PIBF1: variants seen among roughly 807,000 people sequenced by gnomAD.
The protein encoded by PIBF1 is progesterone immunomodulatory binding factor 1, also known as progesterone-induced-blocking factor 1.
Under a neutral mutation model 112.5 loss-of-function variants are expected in PIBF1, and 90 were observed. That is an observed-to-expected ratio of 0.80 (90% CI 0.67 to 0.95). The LOEUF is 0.95. Ranked by LOEUF, PIBF1 falls within the 40% of genes least tolerant of loss-of-function variation. PIBF1 has a pLI of 0.00. For synonymous variants in PIBF1, 301 were observed against 288.6 expected, an observed-to-expected ratio of 1.04 and a Z score of -0.44; for missense variants, 915 against 852.3, an observed-to-expected ratio of 1.07 and a Z score of -0.92.
rs373420939 is a variant in PIBF1, at chr13:73,015,949, T to C, written c.*30T>C. 3 of 1,432,042 alleles carry C rather than the reference T, an allele frequency of 2.1e-6. No individual in the cohort carries two copies. Among genetic ancestry groups the C allele is most frequent in the Non-Finnish European group, 1.9e-6 (2 of 1,050,294 alleles). The allele number at this position is 1,432,042 out of a possible 1,614,324, so 88.7% of individuals were successfully genotyped here. A position where few individuals can be genotyped will look rare whatever the true frequency, so the allele number is the denominator to read the frequency against. Reference sequence around the variant, plus strand: ...TTGGATGGGAAGCACCTGTAGACCATTATATACTCCTGAAGTTCTTTTTCT... The same window carrying C: ...TTGGATGGGAAGCACCTGTAGACCACTATATACTCCTGAAGTTCTTTTTCT... On this transcript the variant is annotated 3_prime_UTR_variant, in exon 18 of 18. Coordinates refer to ENST00000326291, the MANE Select transcript of PIBF1 (RefSeq NM_006346.4).
chr13:72,965,794 A>T (rs1333631193), intron 15 of PIBF1, among the ~76,000 whole-genome samples: 1 of 152,176 alleles, frequency 6.6e-6, no homozygotes, highest in Non-Finnish European at 1.5e-5. Flanking sequence ...ACAACAAAAA[A>T]TTTACATTTA....
intron 16 of PIBF1, among the ~76,000 whole-genome samples, chr13:72,996,709 A>G (rs995495141): frequency 1.3e-5 from 2 of 152,096 alleles, no homozygotes; most frequent in Non-Finnish European, 2.9e-5. Context: ...GATGGTTTGA[A>G]TGAACTGTGA....
At chr13:72,791,483 A>G (rs2034928071) in intron 2 of PIBF1, among the ~76,000 whole-genome samples, 2 of 152,226 alleles carry the variant, frequency 1.3e-5, no homozygotes, top group South Asian at 4.1e-4. Flanking sequence ...GGGGGATGGC[A>G]AGCACTTAAT....
intron 15 of PIBF1, among the ~76,000 whole-genome samples, chr13:72,968,214 T>G (rs9530123): frequency 6.6e-6 from 1 of 151,968 alleles, no homozygotes; most frequent in African/African-American, 2.4e-5. Context: ...ATCAGTGCTG[T>G]CCAGTATGGT....
intron 10 of PIBF1, among the ~76,000 whole-genome samples, chr13:72,887,157 C>A (rs1003899590): frequency 6.7e-6 from 1 of 150,100 alleles, no homozygotes; most frequent in African/African-American, 2.4e-5. Context: ...GATTCAGTAT[C>A]CAGGTATATA....
chr13:72,809,132 C>CTT (rs35219701), intron 5 of PIBF1, among the ~76,000 whole-genome samples: 3,417 of 74,790 alleles, frequency 0.046, 115 homozygotes, highest in Non-Finnish European at 0.054. Flanking sequence ...GTATATGTCC[C>CTT]TTTTTTTTTT....
Position 72,931,196 on chromosome 13 carries a change from G to T in PIBF1, c.1762G>T (p.Glu588Ter). Residue 588 changes from glutamate to a stop codon, truncating the protein, a stop_gained, in exon 14 of 18, where the codon GAA (glutamate) becomes TAA (stop). Transcript: ENST00000326291. LOFTEE classifies it high-confidence loss of function. Reference sequence around the variant, plus strand: ...CTTGGCAAGAAGAGTGCTTCAATTAGAAAAACAAAACTCGCTGATTTTAAA... The same window carrying T: ...CTTGGCAAGAAGAGTGCTTCAATTATAAAAACAAAACTCGCTGATTTTAAA... ...VHLARRVLQL[E>*]KQNSLILKDL... 1 of 1,612,630 alleles carries T rather than the reference G, an allele frequency of 6.2e-7. No individual in the cohort carries two copies. Among genetic ancestry groups the T allele is most frequent in the Non-Finnish European group, 8.5e-7 (1 of 1,179,206 alleles).
chr13:72,812,935 G>A (rs892638509), intron 5 of PIBF1, among the ~76,000 whole-genome samples: 2 of 152,024 alleles, frequency 1.3e-5, no homozygotes, highest in Non-Finnish European at 2.9e-5. Flanking sequence ...GCCTGTGTAA[G>A]AGTGAGACTC....
At chr13:72,957,909 G>A (rs576252084) in intron 14 of PIBF1, among the ~76,000 whole-genome samples, 27 of 152,086 alleles carry the variant, frequency 1.8e-4, no homozygotes, top group African/African-American at 5.3e-4. Context: ...CCGTGATTGC[G>A]CCACTGCACT....
At chr13:72,946,866 G>C (rs956377335) in intron 14 of PIBF1, among the ~76,000 whole-genome samples, 2 of 152,226 alleles carry the variant, frequency 1.3e-5, no homozygotes, top group African/African-American at 2.4e-5. Flanking sequence ...GTTCAGCCCT[G>C]CTCCCAGCTG....
chr13:72,884,094 T>C (rs1033539569), intron 10 of PIBF1, among the ~76,000 whole-genome samples: 1 of 152,206 alleles, frequency 6.6e-6, no homozygotes, highest in Non-Finnish European at 1.5e-5. Flanking sequence ...ATATACGTAC[T>C]ACGTACCTAT....
intron 9 of PIBF1, among the ~76,000 whole-genome samples, chr13:72,845,615 A>C (rs2037834845): frequency 6.6e-6 from 1 of 152,166 alleles, no homozygotes; most frequent in Non-Finnish European, 1.5e-5. Context: ...CTGTTGAAGT[A>C]ATTTACACTC....
At chr13:72,792,808 C>T (rs1438854716) in intron 3 of PIBF1, among the ~76,000 whole-genome samples, 1 of 152,112 alleles carries the variant, frequency 6.6e-6, no homozygotes, top group Non-Finnish European at 1.5e-5. Context: ...CTAAACTGAC[C>T]ACCATTAACC....
chr13:72,921,102 T>A (rs2041271309), intron 13 of PIBF1, among the ~76,000 whole-genome samples: 1 of 152,188 alleles, frequency 6.6e-6, no homozygotes, highest in Non-Finnish European at 1.5e-5. Context: ...ATTTTATTTT[T>A]ATTTTTATTT....
chr13:72,927,161 C>T lies in PIBF1; in HGVS notation c.1731-4004C>T, dbSNP rs115234008. ...ACTGCTTACTGCAACCTCTGCCTCC[C>T]GGGTTCAATAGATTGTTGTGCCTCA... is the stretch of plus-strand genomic sequence containing the variant. On this transcript the variant is annotated intron_variant, in intron 13 of 17. Coordinates refer to ENST00000326291, the MANE Select transcript of PIBF1 (RefSeq NM_006346.4). Among the ~76,000 whole-genome samples, 1,055 of 152,006 alleles carry T rather than the reference C, an allele frequency of 6.9e-3. 15 individuals are homozygous for T. The highest frequency in any genetic ancestry group is 0.025 in the African/African-American group (1,016 of 41,438).
At position 73,016,078 on chromosome 13, in the gene PIBF1, G is replaced by C; in HGVS notation, c.*159G>C. 1 of 322,454 alleles carries C rather than the reference G, an allele frequency of 3.1e-6. No homozygotes were observed. 20.0% of individuals were successfully genotyped at this position (322,454 alleles called of 1,614,324 possible). ...AACAAATTCAGTGTAATCAAAATGT[G>C]TAAAGAACAATCAATATACTTTATT... On this transcript the variant is annotated 3_prime_UTR_variant, in exon 18 of 18. Transcript: ENST00000326291.
At chr13:72,972,694 A>G (rs1292293701) in intron 15 of PIBF1, among the ~76,000 whole-genome samples, 1 of 152,204 alleles carries the variant, frequency 6.6e-6, no homozygotes, top group African/African-American at 2.4e-5. Context: ...TACCTATTTA[A>G]AACAATTCTT....
intron 10 of PIBF1, among the ~76,000 whole-genome samples, chr13:72,872,969 A>T (rs2039228691): frequency 6.6e-6 from 1 of 152,226 alleles, no homozygotes; most frequent in African/African-American, 2.4e-5. Flanking sequence ...GGAGTAAGAT[A>T]TCATGTTCAT....
intron 14 of PIBF1, among the ~76,000 whole-genome samples, chr13:72,952,627 C>T (rs1204906776): frequency 8.3e-6 from 1 of 120,754 alleles, no homozygotes; most frequent in African/African-American, 3.3e-5. Context: ...ATTTCTAATT[C>T]AACTGAGTTT....
Sources: gnomAD v4.1 joint callset for allele counts (sites outside exome capture counted in the v4.1 genomes callset) on GRCh38, gnomAD v4.1.1 for gene constraint, MANE v1.5 for transcripts, NCBI Gene and HGNC (gene_info 2026-07-23, HGNC 2026-07-21) for gene names.